The following FAT3 variants were observed in gnomAD, a reference collection of about 807,000 sequenced individuals.
FAT3 encodes the protein protocadherin Fat 3.
In FAT3, 95 loss-of-function variants were observed where a neutral mutation model predicts 310.2. That is an observed-to-expected ratio of 0.31 (90% CI 0.26 to 0.36). The LOEUF (loss-of-function observed/expected upper bound fraction) is 0.36. FAT3 is among the 10% of genes least tolerant of loss of function. The probability of loss-of-function intolerance (pLI) is 1.00; values close to 1 mark genes in which losing one functional copy is unlikely to be tolerated. For synonymous variants in FAT3, 2,314 were observed against 2,192.9 expected (o/e 1.06, Z -1.54); for missense variants, 5,408 against 5,715.6 (o/e 0.95, Z 1.74).
intron 2 of FAT3, among the ~76,000 whole-genome samples, chr11:92,442,807 G>A (rs756782132): frequency 2.6e-5 from 4 of 152,086 alleles, no homozygotes; most frequent in Admixed American, 6.6e-5. Flanking sequence ...CAAATGACAG[G>A]TTCATTTTTT....
At chr11:92,401,337 A>C (rs1157547812) in intron 2 of FAT3, among the ~76,000 whole-genome samples, 1 of 152,126 alleles carries the variant, frequency 6.6e-6, no homozygotes, top group African/African-American at 2.4e-5. Context: ...AGGGGCTTGA[A>C]GGGGAGTAGC....
At chr11:92,314,202 C>G in intron 1 of FAT3, 1 of 571,240 alleles carries the variant, frequency 1.8e-6, no homozygotes, top group Non-Finnish European at 2.2e-6. Context: ...TGGTCCAATC[C>G]TAGGAATGAA....
chr11:92,321,166 G>A (rs1180247787), intron 1 of FAT3, among the ~76,000 whole-genome samples: 1 of 152,106 alleles, frequency 6.6e-6, no homozygotes. Context: ...GCCGGGCACG[G>A]TGGCTCACTC....
chr11:92,822,030 A>T (rs148916584), intron 13 of FAT3, among the ~76,000 whole-genome samples: 1 of 151,974 alleles, frequency 6.6e-6, no homozygotes, highest in African/African-American at 2.4e-5. Flanking sequence ...TTTTCTCTGC[A>T]GTTGATTATA....
chr11:92,713,710 A>G (rs1039170344), intron 4 of FAT3, among the ~76,000 whole-genome samples: 2 of 152,218 alleles, frequency 1.3e-5, no homozygotes, highest in African/African-American at 4.8e-5. Flanking sequence ...CATTTTTCAG[A>G]AAATTGAAGG....
intron 5 of FAT3, among the ~76,000 whole-genome samples, chr11:92,763,918 A>G (rs1422137318): frequency 1.3e-5 from 2 of 152,190 alleles, no homozygotes; most frequent in African/African-American, 4.8e-5. Context: ...ATCATCCATG[A>G]ACACATAGCA....
In FAT3 at chr11:92,883,389, T is replaced by C. The variant is rs750996951; in HGVS notation, c.12933T>C (p.Thr4311=). Residue 4311 remains threonine, a synonymous_variant, in exon 24 of 28, where the codon ACT becomes ACC. Transcript: ENST00000525166. The surrounding 1 kb of genome is among the most constrained non-coding windows in gnomAD (Gnocchi z 4.2). The part of the protein sequence containing the change: ...SIRKNGWDAG[T]ENKGVDDPGE... Reference sequence around the variant, plus strand: ...GGAAGAATGGCTGGGACGCGGGAACTGAGAGTGAGTAGGAAGTGGTAATGC... The same window carrying C: ...GGAAGAATGGCTGGGACGCGGGAACCGAGAGTGAGTAGGAAGTGGTAATGC... 1.1e-5 allele frequency: 18 copies of C among 1,598,326 alleles called. No individual in the cohort carries two copies. The highest frequency in any genetic ancestry group is 2.6e-6 in the Non-Finnish European group (3 of 1,171,260).
chr11:92,270,224 C>T (rs1946086379), intron 1 of FAT3, among the ~76,000 whole-genome samples: 1 of 152,056 alleles, frequency 6.6e-6, no homozygotes, highest in Non-Finnish European at 1.5e-5. Flanking sequence ...CCCTGGTTTT[C>T]CTCCCACTTC....
At position 92,844,259 on chromosome 11, in the gene FAT3, T is replaced by C. The variant is rs188466230; in HGVS notation, c.10892T>C (p.Ile3631Thr). The change falls in exon 19 of 28, where the codon ATT (isoleucine) becomes ACT (threonine). Residue 3631 changes from isoleucine (I) to threonine (T), a missense_variant. Physicochemically the swap from Ile to Thr is moderately conservative, Grantham distance 89. Coordinates refer to ENST00000525166, the MANE Select transcript of FAT3 (RefSeq NM_001367949.2). ...SVSDGRFQVPIDVVVHVEQLV... is the reference protein window; with the variant it reads ...SVSDGRFQVPTDVVVHVEQLV... ...AGTGATGGTCGCTTCCAGGTACCCA[T>C]TGATGTGGTCGTGCATGTGGAGCAG... The C allele has an allele frequency of 4.8e-4, 781 of 1,613,974 alleles. 1 individual carries two copies. The highest frequency in any genetic ancestry group is 2.3e-3 in the Admixed American group (139 of 60,026).
At chr11:92,473,257 G>A (rs1013791103) in intron 2 of FAT3, among the ~76,000 whole-genome samples, 31 of 152,236 alleles carry the variant, frequency 2.0e-4, no homozygotes, top group African/African-American at 7.0e-4. Context: ...CATAGAGCAG[G>A]CACTCAGTAA....
At chr11:92,867,388 G>T (rs1365066048) in intron 22 of FAT3, among the ~76,000 whole-genome samples, 179 bp downstream of exon 22, 1 of 152,198 alleles carries the variant, frequency 6.6e-6, no homozygotes, top group Non-Finnish European at 1.5e-5. Flanking sequence ...ACAATTACAG[G>T]AGTGTCCAGT....
intron 1 of FAT3, among the ~76,000 whole-genome samples, chr11:92,278,631 C>T (rs574461820): frequency 5.3e-5 from 8 of 152,060 alleles, no homozygotes; most frequent in East Asian, 1.9e-4. Context: ...TATACACACA[C>T]GTAATTTTCC....
At chr11:92,287,656 ATTC>A (rs1946592086) in intron 1 of FAT3, among the ~76,000 whole-genome samples, 1 of 152,148 alleles carries the variant, frequency 6.6e-6, no homozygotes, top group South Asian at 2.1e-4. Flanking sequence ...TCCCCTCACC[ATTC>A]CAAATACTTG....
At chr11:92,238,484 G>A (rs1864529616) in intron 1 of FAT3, among the ~76,000 whole-genome samples, 1 of 152,068 alleles carries the variant, frequency 6.6e-6, no homozygotes, top group Non-Finnish European at 1.5e-5. Flanking sequence ...TGTATAGCAA[G>A]CAGGTTTTGT....
intron 22 of FAT3, among the ~76,000 whole-genome samples, chr11:92,874,129 G>GA (rs11304491): frequency 6.6e-6 from 1 of 151,658 alleles, no homozygotes; most frequent in East Asian, 1.9e-4. Flanking sequence ...CTCTGAACAA[G>GA]AAAAAAAATC....
chr11:92,766,359 C>T (rs1036242663), intron 6 of FAT3, among the ~76,000 whole-genome samples: 8 of 152,148 alleles, frequency 5.3e-5, no homozygotes, highest in African/African-American at 1.9e-4. Context: ...AGGAGAGAGT[C>T]GGTCTGGGGG....
At chr11:92,443,726 A>C (rs759968904) in intron 2 of FAT3, among the ~76,000 whole-genome samples, 5 of 152,168 alleles carry the variant, frequency 3.3e-5, no homozygotes, top group Non-Finnish European at 4.4e-5. Context: ...CCTCACTTCA[A>C]ATCATTTGTT....
At chr11:92,342,351 A>G (rs1266082455) in intron 1 of FAT3, among the ~76,000 whole-genome samples, 1 of 151,926 alleles carries the variant, frequency 6.6e-6, no homozygotes, top group Non-Finnish European at 1.5e-5. Context: ...TCTCTTTCTC[A>G]ACAGGAAAGG....
At chr11:92,390,373 A>T (rs957670587) in intron 2 of FAT3, among the ~76,000 whole-genome samples, 2 of 152,074 alleles carry the variant, frequency 1.3e-5, no homozygotes, top group African/African-American at 2.4e-5. Context: ...GCAAGTATGG[A>T]GAGTTTGTCC....
Sources: gnomAD v4.1 joint callset for allele counts (sites outside exome capture counted in the v4.1 genomes callset) on GRCh38, gnomAD v4.1.1 for gene constraint, Gnocchi (gnomAD v3.1) non-coding constraint, MANE v1.5 for transcripts, NCBI Gene and HGNC (gene_info 2026-07-23, HGNC 2026-07-21) for gene names.